The following ZFAT variants were observed in gnomAD, a reference collection of about 807,000 sequenced individuals.
ZFAT encodes zinc finger and AT-hook domain containing.
A neutral mutation model predicts 117.7 loss-of-function variants in ZFAT; 64 were observed. The observed-to-expected ratio is 0.54, with a 90% confidence interval of 0.44 to 0.67. The LOEUF (loss-of-function observed/expected upper bound fraction) is 0.67. ZFAT is among the 30% of genes least tolerant of loss of function. ZFAT has a pLI of 0.00. For missense variants in ZFAT, 1,433 were observed against 1,584.5 expected, an observed-to-expected ratio of 0.90 and a Z score of 1.62; for synonymous variants, 679 against 615.0, an observed-to-expected ratio of 1.10 and a Z score of -1.54.
At chr8:134,723,505 C>A in the ZFAT span, 1 of 152,612 alleles carries the variant, frequency 6.6e-6, no homozygotes, top group Non-Finnish European at 1.5e-5. Context: ...AGGACAGGGC[C>A]TGTGCAGAGG....
At chr8:134,818,284 ACAAC>A in the ZFAT span, among the ~76,000 whole-genome samples, 1 of 152,210 alleles carries the variant, frequency 6.6e-6, no homozygotes, top group African/African-American at 2.4e-5. Context: ...CAGTAAGAAA[ACAAC>A]CAACCAGATT....
chr8:134,736,895 C>A, the ZFAT span, among the ~76,000 whole-genome samples: 73 of 152,260 alleles, frequency 4.8e-4, 1 homozygote, highest in Middle Eastern at 3.4e-3. Flanking sequence ...CTGAGCCATT[C>A]TTCTCTTATT....
chr8:134,819,496 A>ACTCCC, the ZFAT span, among the ~76,000 whole-genome samples: 1 of 39,334 alleles, frequency 2.5e-5, no homozygotes, highest in East Asian at 1.1e-3. Flanking sequence ...CGGATTTACC[A>ACTCCC]CCCCCCCCCC....
Position 134,601,973 on chromosome 8 carries a change from G to T in ZFAT, c.1746C>A (p.Val582=). Residue 582 remains valine, a synonymous_variant, in exon 6 of 16, where the codon GTC becomes GTA. Transcript: ENST00000377838. ...CTTGAGAATGCAGGTCTGAGGAGGAGACCACGGTGGTTTCCAGCTCACAGG... is the reference window on the plus strand; with the variant it reads ...CTTGAGAATGCAGGTCTGAGGAGGATACCACGGTGGTTTCCAGCTCACAGG... The part of the protein sequence containing the change: ...LPPCELETTV[V]SSSDLHSQEV... 6.2e-7 allele frequency: 1 copy of T among 1,613,824 alleles called. No homozygotes were observed. Among genetic ancestry groups the T allele is most frequent in the South Asian group, 1.1e-5 (1 of 91,074 alleles).
rs896272960 is a variant in ZFAT, at chr8:134,634,728, C to T, written c.448+2733G>A. ...TACTTTATGTCACTGACAAATGATG[C>T]CACAGAGCCACACGGAAAGATGGTT... On this transcript the variant is annotated intron_variant, in intron 3 of 15. Transcript: ENST00000377838. Among the ~76,000 whole-genome samples the T allele has an allele frequency of 2.6e-5, 4 of 152,122 alleles. No individual in the cohort carries two copies. The East Asian group carries it at 7.7e-4, about 29-fold the overall frequency.
rs574842512 is a variant in ZFAT, at chr8:134,534,632, GGGGAGAGA to G, written c.2977-1668_2977-1661del. Among the ~76,000 whole-genome samples, 844 of 149,066 alleles carry G rather than the reference GGGGAGAGA, an allele frequency of 5.7e-3. 8 individuals carry two copies. The highest frequency in any genetic ancestry group is 0.012 in the Admixed American group (181 of 14,978). On this transcript the variant is annotated intron_variant, in intron 11 of 15. Transcript: ENST00000377838. ...GGGAAGAGAGGGAGAGAGAGGACAG[GGGGAGAGA>G]GGGAGAGAGGGAGAAAGGGAGACAA...
At chr8:134,660,441 T>C (rs956503776) in intron 1 of ZFAT, among the ~76,000 whole-genome samples, 3 of 152,232 alleles carry the variant, frequency 2.0e-5, no homozygotes, top group Non-Finnish European at 4.4e-5. Context: ...TCAGTGTCCA[T>C]TGAGCAGTAA....
chr8:134,798,991 A>C, the ZFAT span, among the ~76,000 whole-genome samples: 3 of 152,160 alleles, frequency 2.0e-5, no homozygotes, highest in Non-Finnish European at 4.4e-5. Context: ...AAGTACTATA[A>C]ATTATAAAAT....
At chr8:134,612,732 C>T (rs1011773858) in intron 3 of ZFAT, among the ~76,000 whole-genome samples, 4 of 152,090 alleles carry the variant, frequency 2.6e-5, no homozygotes, top group Non-Finnish European at 4.4e-5. Flanking sequence ...CTAAAAAGAA[C>T]GAATAGATGA....
intron 10 of ZFAT, among the ~76,000 whole-genome samples, chr8:134,569,323 C>T (rs1328506937): frequency 1.3e-5 from 2 of 152,112 alleles, no homozygotes; most frequent in Admixed American, 1.3e-4. Context: ...AGTGGCAGAG[C>T]CCAGATTTGG....
chr8:134,589,844 G>A, intron 8 of ZFAT, among the ~76,000 whole-genome samples: 1 of 152,262 alleles, frequency 6.6e-6, no homozygotes, highest in East Asian at 1.9e-4. Context: ...ATGCACCTGA[G>A]CAGTGTGGAA....
intron 1 of ZFAT, among the ~76,000 whole-genome samples, chr8:134,694,489 C>T (rs539159892): frequency 2.0e-5 from 3 of 152,290 alleles, no homozygotes; most frequent in Admixed American, 1.3e-4. Context: ...ACTACTCTCT[C>T]CATTTTTCTG....
Position 134,700,601 on chromosome 8 carries a change from G to A in ZFAT, c.19+12244C>T, listed in dbSNP as rs193230890. ...CACACGGACCTGGAAGTTCACTGTCGGACTCCGGGCTGTGATTACCCCACC... is the reference window on the plus strand; with the variant it reads ...CACACGGACCTGGAAGTTCACTGTCAGACTCCGGGCTGTGATTACCCCACC... On this transcript the variant is annotated intron_variant, in intron 1 of 15. Transcript: ENST00000377838. Among the ~76,000 whole-genome samples the A allele has an allele frequency of 3.9e-5, 6 of 152,330 alleles. No homozygotes were observed. The East Asian group carries it at 5.8e-4, about 15-fold the overall frequency.
intron 3 of ZFAT, among the ~76,000 whole-genome samples, chr8:134,628,909 T>G (rs1318441180): frequency 1.3e-5 from 2 of 152,202 alleles, no homozygotes; most frequent in Non-Finnish European, 2.9e-5. Context: ...CTACAGATGC[T>G]TATTGAATTT....
At position 134,525,478 on chromosome 8, in the gene ZFAT, T is replaced by G. The variant is rs115108255; in HGVS notation, c.3116-4477A>C. Reference sequence around the variant, plus strand: ...AGGAATTCTGTCCTGATATCAAGGTTGTCTGGACAAATTATACCAGATAAA... The same window carrying G: ...AGGAATTCTGTCCTGATATCAAGGTGGTCTGGACAAATTATACCAGATAAA... On this transcript the variant is annotated intron_variant, in intron 12 of 15. Transcript: ENST00000377838. 6.9e-3 allele frequency among the ~76,000 whole-genome samples: 1,054 copies of G among 152,340 alleles called. 13 individuals are homozygous for G. The highest frequency in any genetic ancestry group is 0.024 in the African/African-American group (1,011 of 41,580).
chr8:134,591,451 C>T (rs1227790136), intron 7 of ZFAT, among the ~76,000 whole-genome samples: 1 of 152,212 alleles, frequency 6.6e-6, no homozygotes, highest in Non-Finnish European at 1.5e-5. Flanking sequence ...GGCTTTTGCT[C>T]ACCTCCCTTT....
At chr8:134,745,872 G>C in the ZFAT span, among the ~76,000 whole-genome samples, 1 of 152,190 alleles carries the variant, frequency 6.6e-6, no homozygotes, top group Non-Finnish European at 1.5e-5. Flanking sequence ...AACCTGCTTA[G>C]TCACGCAGCT....
intron 2 of ZFAT, among the ~76,000 whole-genome samples, chr8:134,644,754 AC>A (rs1830781647): frequency 6.6e-6 from 1 of 151,672 alleles, no homozygotes; most frequent in Non-Finnish European, 1.5e-5. Context: ...ACAATCACAC[AC>A]ACATGTATAC....
At chr8:134,696,691 A>G in intron 1 of ZFAT, 1 of 855,538 alleles carries the variant, frequency 1.2e-6, no homozygotes, top group Non-Finnish European at 1.4e-6. Context: ...GCCCAGAATG[A>G]GCACATGACA....
Sources: gnomAD v4.1 joint callset for allele counts (sites outside exome capture counted in the v4.1 genomes callset) on GRCh38, gnomAD v4.1.1 for gene constraint, MANE v1.5 for transcripts, NCBI Gene and HGNC (gene_info 2026-07-23, HGNC 2026-07-21) for gene names.